Variants in MYO3B observed in about 807,000 individuals in gnomAD.
MYO3B encodes the protein myosin IIIB, also known as myosin-IIIb.
MYO3B carries 156 observed loss-of-function variants against 174.6 expected under a neutral mutation model. That is an observed-to-expected ratio of 0.89 (90% CI 0.78 to 1.02). The LOEUF (loss-of-function observed/expected upper bound fraction) is 1.02, where lower values mean the gene tolerates loss of function less well. Among genes scored for constraint, MYO3B ranks in the 50% least tolerant of loss-of-function variants. MYO3B has a pLI of 0.00. For synonymous variants in MYO3B, 563 were observed against 569.1 expected, an observed-to-expected ratio of 0.99 and a Z score of 0.15; for missense variants, 1,632 against 1,639.4, an observed-to-expected ratio of 1.00 and a Z score of 0.08.
intron 32 of MYO3B, among the ~76,000 whole-genome samples, chr2:170,621,992 G>C (rs1050565790): frequency 3.3e-5 from 5 of 152,158 alleles, no homozygotes. Flanking sequence ...TGACCCTCAG[G>C]AAGTAATCTT....
At chr2:170,620,828 C>G (rs141065949) in intron 32 of MYO3B, among the ~76,000 whole-genome samples, 73 of 152,376 alleles carry the variant, frequency 4.8e-4, no homozygotes, top group African/African-American at 1.7e-3. Flanking sequence ...CAGGAAGCGA[C>G]TCTGTCCTCT....
chr2:170,643,960 A>C (rs1236067537), intron 32 of MYO3B: 1 of 152,422 alleles, frequency 6.6e-6, no homozygotes, highest in Admixed American at 6.5e-5. Flanking sequence ...GCAGGTGATG[A>C]AAATGGAAAC....
At chr2:170,283,531 C>G (rs1574713348) in intron 7 of MYO3B, among the ~76,000 whole-genome samples, 1 of 152,290 alleles carries the variant, frequency 6.6e-6, no homozygotes, top group East Asian at 1.9e-4. Context: ...TTATGATGCT[C>G]TTTCCTGTTA....
intron 32 of MYO3B, among the ~76,000 whole-genome samples, chr2:170,649,168 A>AATATATTATATATAAAATAAT (rs1188564399): frequency 1.6e-5 from 1 of 62,402 alleles, no homozygotes; most frequent in Non-Finnish European, 2.5e-5. Context: ...AATAATATAT[A>AATATATTATATATAAAATAAT]ATATATTATA....
At chr2:170,349,187 T>G (rs12991083) in intron 8 of MYO3B, among the ~76,000 whole-genome samples, 79,233 of 151,954 alleles carry the variant, frequency 0.52, 22,002 homozygotes, top group East Asian at 0.66. Context: ...CTAGAAAAAT[T>G]GAACAAGTGA....
At chr2:170,325,217 T>G (rs533363503) in intron 7 of MYO3B, among the ~76,000 whole-genome samples, 4 of 151,346 alleles carry the variant, frequency 2.6e-5, no homozygotes, top group South Asian at 2.1e-4. Context: ...TTTGGTTTGG[T>G]TTTTTTTTGA....
chr2:170,506,688 T>G (rs1168720646), intron 28 of MYO3B, among the ~76,000 whole-genome samples: 5 of 152,220 alleles, frequency 3.3e-5, no homozygotes, highest in African/African-American at 1.2e-4. Context: ...CTGTAAAATC[T>G]AAAACAATAC....
At chr2:170,320,211 T>C (rs1477993753) in intron 7 of MYO3B, among the ~76,000 whole-genome samples, 1 of 152,196 alleles carries the variant, frequency 6.6e-6, no homozygotes, top group African/African-American at 2.4e-5. Context: ...GGATAATTTA[T>C]TTTTAGTTTA....
At chr2:170,351,185 G>A (rs971353581) in intron 8 of MYO3B, 1 of 152,180 alleles carries the variant, frequency 6.6e-6, no homozygotes, top group African/African-American at 2.4e-5. Flanking sequence ...CAGGTATCAA[G>A]AGCAGTGGTG....
At chr2:170,626,826 T>C (rs928057785) in intron 32 of MYO3B, among the ~76,000 whole-genome samples, 2 of 152,212 alleles carry the variant, frequency 1.3e-5, no homozygotes, top group African/African-American at 2.4e-5. Flanking sequence ...TGGCTGGATA[T>C]GAAATTCTGG....
intron 8 of MYO3B, among the ~76,000 whole-genome samples, chr2:170,354,943 C>T (rs1217108274): frequency 1.3e-5 from 2 of 151,484 alleles, no homozygotes; most frequent in Non-Finnish European, 2.9e-5. Context: ...GGATTGACAT[C>T]CTGGGGGTGG....
chr2:170,469,597 T>C (rs1357224732), intron 25 of MYO3B, among the ~76,000 whole-genome samples: 2 of 152,168 alleles, frequency 1.3e-5, no homozygotes, highest in Non-Finnish European at 2.9e-5. Flanking sequence ...CTTCACTCTC[T>C]CTCTTCCAGA....
intron 22 of MYO3B, among the ~76,000 whole-genome samples, chr2:170,411,147 A>G (rs983394553): frequency 6.6e-6 from 1 of 152,218 alleles, no homozygotes; most frequent in Non-Finnish European, 1.5e-5. Flanking sequence ...CTTTCAAAAC[A>G]GCCCCAGGAT....
chr2:170,416,289 G>A (rs1308484701), intron 22 of MYO3B, among the ~76,000 whole-genome samples: 7 of 152,086 alleles, frequency 4.6e-5, no homozygotes, highest in East Asian at 1.9e-4. Flanking sequence ...TTGGGAGGCC[G>A]AGGCAGGTGG....
intron 22 of MYO3B, among the ~76,000 whole-genome samples, chr2:170,441,846 G>C (rs2094803158): frequency 6.6e-6 from 1 of 152,178 alleles, no homozygotes; most frequent in Non-Finnish European, 1.5e-5. Flanking sequence ...GATTTGACCA[G>C]GCTTTTCTTT....
intron 28 of MYO3B, among the ~76,000 whole-genome samples, chr2:170,511,281 T>A (rs920228881): frequency 1.3e-5 from 2 of 151,776 alleles, no homozygotes; most frequent in Non-Finnish European, 2.9e-5. Flanking sequence ...TTAGCTAGGA[T>A]GGTCTCGATC....
chr2:170,614,261 T>C (rs902682835), intron 32 of MYO3B, among the ~76,000 whole-genome samples: 5 of 152,234 alleles, frequency 3.3e-5, no homozygotes, highest in Middle Eastern at 3.4e-3. Context: ...CCTTGTAAGG[T>C]TGCTAGAGTA....
chr2:170,214,335 A>G (rs756441164), intron 3 of MYO3B, 44 bp from the exon 4 acceptor site: 4 of 1,486,830 alleles, frequency 2.7e-6, no homozygotes, highest in East Asian at 2.3e-5. Flanking sequence ...TCTTTTTCAC[A>G]TGTGGTCTCC....
chr2:170,517,846 T>A (rs1688419327), intron 29 of MYO3B, among the ~76,000 whole-genome samples: 1 of 151,636 alleles, frequency 6.6e-6, no homozygotes, highest in Admixed American at 6.6e-5. Context: ...GTGCTCTAAC[T>A]AGAGGATTTT....
Sources: allele counts gnomAD v4.1 joint callset (sites outside exome capture counted in the v4.1 genomes callset), GRCh38; gene constraint gnomAD v4.1.1; transcripts MANE v1.5; gene names NCBI Gene and HGNC (gene_info 2026-07-23, HGNC 2026-07-21).